Variants in PCDH15 observed in about 807,000 individuals in gnomAD.
PCDH15 encodes the protein protocadherin-15.
Under a neutral mutation model 178.5 loss-of-function variants are expected in PCDH15, and 129 were observed. The observed-to-expected ratio is 0.72, with a 90% CI of 0.63 to 0.84. PCDH15 has a LOEUF of 0.84. Ranked by LOEUF, PCDH15 falls within the 40% of genes least tolerant of loss-of-function variation. PCDH15 has a pLI of 0.00. For missense variants in PCDH15, 2,230 were observed against 2,099.9 expected (o/e 1.06, Z -1.21); for synonymous variants, 800 against 732.0 (o/e 1.09, Z -1.50).
At chr10:55,132,665 C>T (rs1366854446) in intron 2 of PCDH15, among the ~76,000 whole-genome samples, 1 of 152,074 alleles carries the variant, frequency 6.6e-6, no homozygotes. Context: ...AAATACAAAT[C>T]CAAGTATTTT....
intron 1 of PCDH15, among the ~76,000 whole-genome samples, chr10:55,222,294 G>A (rs900775484): frequency 3.3e-5 from 5 of 151,940 alleles, no homozygotes; most frequent in Admixed American, 2.6e-4. Flanking sequence ...TGCAGTGATA[G>A]TCATATTCTG....
At chr10:55,467,922 G>A (rs971097693) in intron 2 of PCDH15, among the ~76,000 whole-genome samples, 2 of 129,858 alleles carry the variant, frequency 1.5e-5, no homozygotes, top group African/African-American at 6.0e-5. Context: ...AGCCGAGATC[G>A]CGCCACTGCA....
intron 1 of PCDH15, among the ~76,000 whole-genome samples, chr10:54,725,176 G>A (rs1181846618): frequency 1.3e-5 from 2 of 151,104 alleles, no homozygotes; most frequent in Non-Finnish European, 3.0e-5. Context: ...ACCAATAATG[G>A]ATTCCAATAC....
At chr10:54,481,869 A>G (rs1179652347) in intron 3 of PCDH15, among the ~76,000 whole-genome samples, 1 of 151,860 alleles carries the variant, frequency 6.6e-6, no homozygotes, top group Non-Finnish European at 1.5e-5. Context: ...TCCACAGAGT[A>G]CATAAGATTT....
chr10:54,804,927 T>TTATATATATATATATATATATA (rs71014419), upstream of PCDH15, among the ~76,000 whole-genome samples: 1,631 of 50,494 alleles, frequency 0.032, 318 homozygotes, highest in African/African-American at 0.034. Context: ...TCATAGTAGA[T>TTATATATATATATATATATATA]TATATATATA....
At chr10:55,050,233 C>G (rs1841124517) in intron 2 of PCDH15, among the ~76,000 whole-genome samples, 1 of 151,876 alleles carries the variant, frequency 6.6e-6, no homozygotes, top group Admixed American at 6.6e-5. Flanking sequence ...GGGTTTGATT[C>G]TCAGTTTAGC....
In PCDH15 at chr10:55,439,442, TAGAG is replaced by T. The variant is rs1839127233; in HGVS notation, c.-156+188179_-156+188182del. On this transcript the variant is annotated intron_variant, in intron 2 of 5. Transcript: ENST00000613346. ...GAGCCACTATTACCAGAGAACCTAA[TAGAG>T]AATGACCTTCATTCCAGAAAATATG... Among the ~76,000 whole-genome samples, 4 of 152,110 alleles carry T rather than the reference TAGAG, an allele frequency of 2.6e-5. No individual in the cohort carries two copies. The South Asian group carries it at 8.3e-4, about 32-fold the overall frequency.
intron 2 of PCDH15, among the ~76,000 whole-genome samples, chr10:54,899,238 C>G (rs1954601404): frequency 6.6e-6 from 1 of 152,022 alleles, no homozygotes; most frequent in Admixed American, 6.6e-5. Flanking sequence ...ATAACTGATG[C>G]TGAAATAGTT....
intron 2 of PCDH15, among the ~76,000 whole-genome samples, chr10:55,033,404 C>A (rs1840658872): frequency 6.6e-6 from 1 of 152,126 alleles, no homozygotes; most frequent in Admixed American, 6.5e-5. Flanking sequence ...CAACCTTACC[C>A]CAGTGTGTCC....
intron 2 of PCDH15, among the ~76,000 whole-genome samples, chr10:55,553,033 T>G (rs1395629294): frequency 6.6e-6 from 1 of 151,626 alleles, no homozygotes; most frequent in African/African-American, 2.4e-5. Context: ...TTAATTGACT[T>G]ACACAGAGTA....
At chr10:55,582,995 T>C (rs757060573) in intron 2 of PCDH15, among the ~76,000 whole-genome samples, 45 of 152,150 alleles carry the variant, frequency 3.0e-4, no homozygotes, top group Admixed American at 5.9e-4. Flanking sequence ...TAAATTAAGC[T>C]ATGGATAGCA....
At chr10:54,326,527 G>C (rs1196320005) in intron 7 of PCDH15, among the ~76,000 whole-genome samples, 1 of 152,018 alleles carries the variant, frequency 6.6e-6, no homozygotes, top group African/African-American at 2.4e-5. Flanking sequence ...ATTAGTCTAA[G>C]TACTTTTTTG....
intron 2 of PCDH15, among the ~76,000 whole-genome samples, chr10:55,411,433 C>G (rs1303789622): frequency 6.6e-6 from 1 of 151,828 alleles, no homozygotes; most frequent in Admixed American, 6.6e-5. Flanking sequence ...AGCAAAACAA[C>G]AAGAAAAATT....
chr10:55,086,236 A>G (rs372683881), intron 2 of PCDH15, among the ~76,000 whole-genome samples: 20 of 151,960 alleles, frequency 1.3e-4, no homozygotes, highest in East Asian at 1.2e-3. Context: ...TCACTCTCAT[A>G]GTTTGAAGTG....
intron 2 of PCDH15, among the ~76,000 whole-genome samples, chr10:55,080,307 A>G (rs1328688045): frequency 6.6e-6 from 1 of 152,134 alleles, no homozygotes; most frequent in Non-Finnish European, 1.5e-5. Context: ...AGATTCTCAT[A>G]GGAGTGCAAA....
chr10:54,132,114 T>C (rs942419447), intron 15 of PCDH15, among the ~76,000 whole-genome samples: 6 of 152,162 alleles, frequency 3.9e-5, no homozygotes, highest in African/African-American at 1.2e-4. Context: ...CTCTGTTCTC[T>C]GAACATTCAT....
chr10:54,655,254 GA>G (rs138201750), intron 2 of PCDH15, among the ~76,000 whole-genome samples: 9,170 of 91,448 alleles, frequency 0.1, 566 homozygotes, highest in South Asian at 0.22. Flanking sequence ...AAGAAAGAAA[GA>G]AAGAGAGAGA....
intron 31 of PCDH15, 68 bp from the exon 32 acceptor site, chr10:53,827,616 T>A: frequency 1.3e-6 from 2 of 1,576,118 alleles, no homozygotes; most frequent in Non-Finnish European, 1.7e-6. Flanking sequence ...ATAAGCCACC[T>A]TTTAATAATG....
chr10:54,535,569 G>A (rs1038066822), intron 2 of PCDH15, among the ~76,000 whole-genome samples: 4 of 151,858 alleles, frequency 2.6e-5, no homozygotes, highest in African/African-American at 7.3e-5. Flanking sequence ...AATTAGCTGG[G>A]CGTGGTGGCG....
Sources: gnomAD v4.1 joint callset for allele counts (sites outside exome capture counted in the v4.1 genomes callset) on GRCh38, gnomAD v4.1.1 for gene constraint, MANE v1.5 for transcripts, NCBI Gene and HGNC (gene_info 2026-07-23, HGNC 2026-07-21) for gene names.